FAM124A: variants seen among roughly 807,000 people sequenced by gnomAD.
The protein encoded by FAM124A is family with sequence similarity 124 member A.
A neutral mutation model predicts 24.5 loss-of-function variants in FAM124A; 23 were observed. The ratio of observed to expected loss-of-function variants is 0.94; its 90% CI spans 0.68 to 1.33. The LOEUF (loss-of-function observed/expected upper bound fraction) is 1.33. Among genes scored for constraint, FAM124A ranks in the 40% most tolerant of loss-of-function variants. The probability of loss-of-function intolerance (pLI) is 0.00; values close to 1 mark genes in which losing one functional copy is unlikely to be tolerated. For synonymous variants in FAM124A, 287 were observed against 314.7 expected (o/e 0.91, Z 0.93); for missense variants, 623 against 722.8 (o/e 0.86, Z 1.58).
intron 1 of FAM124A, among the ~76,000 whole-genome samples, chr13:51,226,591 A>G (rs1042293359): frequency 3.3e-5 from 5 of 152,212 alleles, no homozygotes; most frequent in Admixed American, 2.0e-4. Context: ...GCAATGCTCA[A>G]CTACCTAGGG....
intron 1 of FAM124A, among the ~76,000 whole-genome samples, chr13:51,223,597 C>G (rs546622039): frequency 6.6e-6 from 1 of 152,266 alleles, no homozygotes; most frequent in African/African-American, 2.4e-5. Flanking sequence ...AGAGTTCTAA[C>G]CCAACCCCGG....
rs909636297 is a variant in FAM124A, at chr13:51,252,010, G to A, written c.643G>A (p.Asp215Asn). 5 of 1,614,232 alleles carry A rather than the reference G, an allele frequency of 3.1e-6. No homozygotes were observed. Among genetic ancestry groups the A allele is most frequent in the Non-Finnish European group, 3.4e-6 (4 of 1,180,052 alleles). Residue 215 changes from aspartate (D) to asparagine (N), a missense_variant, in exon 3 of 4, where the codon GAT becomes AAT. Asp to Asn is a conservative substitution (Grantham distance 23). Coordinates refer to ENST00000322475, the MANE Select transcript of FAM124A (RefSeq NM_001242312.2). ...FCIFPIFSNL[D>N]VDIQFSLKRL... ...CATCTTCCCTATTTTTTCCAACCTG[G>A]ATGTGGACATCCAGTTCTCCCTGAA...
intron 3 of FAM124A, among the ~76,000 whole-genome samples, chr13:51,276,733 A>T (rs778540516): frequency 6.6e-6 from 1 of 152,224 alleles, no homozygotes; most frequent in Non-Finnish European, 1.5e-5. Context: ...TGATTTCTCA[A>T]TGTGAACCCG....
chr13:51,228,455 C>G (rs1954339087), intron 1 of FAM124A, among the ~76,000 whole-genome samples: 1 of 152,156 alleles, frequency 6.6e-6, no homozygotes, highest in Non-Finnish European at 1.5e-5. Flanking sequence ...TTATTCTGCT[C>G]TATATCGTGT....
chr13:51,230,138 T>C (rs73194184), intron 1 of FAM124A, among the ~76,000 whole-genome samples: 2,633 of 152,308 alleles, frequency 0.017, 28 homozygotes, highest in Non-Finnish European at 0.029. Context: ...TTGGTAGTTG[T>C]TATTCTTTCC....
At chr13:51,227,715 T>A (rs1228263013) in intron 1 of FAM124A, among the ~76,000 whole-genome samples, 1 of 152,254 alleles carries the variant, frequency 6.6e-6, no homozygotes, top group East Asian at 1.9e-4. Context: ...TAAGCCACTC[T>A]TTTGTATGTG....
In FAM124A at chr13:51,251,614, G is replaced by A. The variant is rs146836694; in HGVS notation, c.247G>A (p.Glu83Lys). Residue 83 changes from glutamate (E) to lysine (K), a missense_variant, in exon 3 of 4, where the codon GAG becomes AAG. Physicochemically the swap from Glu to Lys is moderately conservative, Grantham distance 56. Coordinates refer to ENST00000322475, the MANE Select transcript of FAM124A (RefSeq NM_001242312.2). The surrounding 1 kb of genome is among the most constrained non-coding windows in gnomAD (Gnocchi z 5.3). Reference protein sequence around the residue: ...HPDLPLFRVSERRASRRRRKP... With the variant: ...HPDLPLFRVSKRRASRRRRKP... ...CGACCTCCCGCTGTTCCGGGTGTCC[G>A]AGAGGCGGGCGTCCCGGCGGCGGCG... The A allele has an allele frequency of 2.6e-3, 4,073 of 1,567,126 alleles. 7 individuals carry two copies. Among genetic ancestry groups the A allele is most frequent in the Non-Finnish European group, 3.2e-3 (3,677 of 1,154,258 alleles).
At chr13:51,234,450 A>G (rs1954414099) in intron 2 of FAM124A, among the ~76,000 whole-genome samples, 3 of 152,218 alleles carry the variant, frequency 2.0e-5, no homozygotes, top group Non-Finnish European at 4.4e-5. Flanking sequence ...AGCGAAAGGT[A>G]TAAGAGTGGT....
intron 2 of FAM124A, among the ~76,000 whole-genome samples, chr13:51,248,278 A>T (rs1954584776): frequency 6.6e-6 from 1 of 152,144 alleles, no homozygotes; most frequent in Admixed American, 6.5e-5. Context: ...TTCAAGCTGG[A>T]AACATCAGGG....
In FAM124A at chr13:51,231,396, C is replaced by T. The variant is rs1463112212; in HGVS notation, c.100+17C>T. 1 of 1,613,698 alleles carries T rather than the reference C, an allele frequency of 6.2e-7. No individual in the cohort carries two copies. Among genetic ancestry groups the T allele is most frequent in the South Asian group, 1.1e-5 (1 of 90,920 alleles). ...CCACGAGCAGTAAGTATCTTTTAAA[C>T]ATCCTTCAGCATTGTCTAACGGTCC... is the stretch of plus-strand genomic sequence containing the variant. On this transcript the variant is annotated intron_variant, in intron 2 of 3. Transcript: ENST00000322475.
chr13:51,250,291 C>G (rs1252478539), intron 2 of FAM124A, among the ~76,000 whole-genome samples: 2 of 152,144 alleles, frequency 1.3e-5, no homozygotes, highest in East Asian at 3.9e-4. Flanking sequence ...CCTGACACCC[C>G]TAGTGGACAC....
intron 3 of FAM124A, among the ~76,000 whole-genome samples, chr13:51,275,209 C>CA (rs34573330): frequency 0.23 from 23,441 of 101,820 alleles, 2,115 homozygotes; most frequent in East Asian, 0.39. Context: ...CCTGTATATA[C>CA]AAAAAAAAAA....
chr13:51,283,377 G>T lies in FAM124A; in HGVS notation c.*2121G>T, dbSNP rs1954958407. 1 of 152,170 alleles carries T rather than the reference G, an allele frequency of 6.6e-6. No homozygotes were observed. 9.4% of individuals were successfully genotyped at this position (152,170 alleles called of 1,614,324 possible). A position where few individuals can be genotyped will look rare whatever the true frequency, so the allele number is the denominator to read the frequency against. ...ATTTACAAGAACAGCTGGTGGGCCA[G>T]ATTTGGCCCAAGGGTCATAGTTTAT... is the stretch of plus-strand genomic sequence containing the variant. On this transcript the variant is annotated 3_prime_UTR_variant, in exon 4 of 4. Transcript: ENST00000322475.
At position 51,272,131 on chromosome 13, in the gene FAM124A, A is replaced by C. The variant is rs977351094; in HGVS notation, c.835-8319A>C. Reference sequence around the variant, plus strand: ...AGTTCAGAGAAGCTCTAGCTGTGAGACCAGCCACTTCCCTCTTCAAGGCAG... The same window carrying C: ...AGTTCAGAGAAGCTCTAGCTGTGAGCCCAGCCACTTCCCTCTTCAAGGCAG... On this transcript the variant is annotated intron_variant, in intron 3 of 3. Transcript: ENST00000322475. This position sits in a 1 kb window ranked among gnomAD's most constrained non-coding sequence, Gnocchi z 4.2. 6.6e-6 allele frequency among the ~76,000 whole-genome samples: 1 copy of C among 152,296 alleles called. No homozygotes were observed. The highest frequency in any genetic ancestry group is 1.9e-4 in the East Asian group (1 of 5,188).
At chr13:51,240,461 G>T (rs111577756) in intron 2 of FAM124A, among the ~76,000 whole-genome samples, 1 of 152,280 alleles carries the variant, frequency 6.6e-6, no homozygotes, top group African/African-American at 2.4e-5. Context: ...GTTGCAAGAC[G>T]TCTTTCCTTT....
At chr13:51,232,943 A>C (rs865919571) in intron 2 of FAM124A, among the ~76,000 whole-genome samples, 35 of 152,226 alleles carry the variant, frequency 2.3e-4, no homozygotes, top group African/African-American at 8.2e-4. Flanking sequence ...GCAGCCTCTG[A>C]GTTGGAATTT....
rs1033779157 is a variant in FAM124A, at chr13:51,247,816, T to C, written c.101-3652T>C. On this transcript the variant is annotated intron_variant, in intron 2 of 3. Coordinates refer to ENST00000322475, the MANE Select transcript of FAM124A (RefSeq NM_001242312.2). Reference sequence around the variant, plus strand: ...ATGTGGTATTTTCTCCTACTTTTACTGGAGTTACTCACTGGCAGAAAATTT... The same window carrying C: ...ATGTGGTATTTTCTCCTACTTTTACCGGAGTTACTCACTGGCAGAAAATTT... Among the ~76,000 whole-genome samples, 5 of 152,334 alleles carry C rather than the reference T, an allele frequency of 3.3e-5. No individual in the cohort carries two copies. The East Asian group carries it at 5.8e-4, about 18-fold the overall frequency.
intron 3 of FAM124A, among the ~76,000 whole-genome samples, chr13:51,268,698 A>G (rs1238646835): frequency 1.3e-5 from 2 of 152,230 alleles, no homozygotes; most frequent in Non-Finnish European, 2.9e-5. Flanking sequence ...TCCAAGATCC[A>G]CTTAAGTCTA....
At chr13:51,249,693 T>G (rs891938640) in intron 2 of FAM124A, among the ~76,000 whole-genome samples, 1 of 152,230 alleles carries the variant, frequency 6.6e-6, no homozygotes, top group Non-Finnish European at 1.5e-5. Context: ...AACCTTTGCT[T>G]CACAGTGACT....
Sources: allele counts gnomAD v4.1 joint callset (sites outside exome capture counted in the v4.1 genomes callset), GRCh38; gene constraint gnomAD v4.1.1; non-coding constraint Gnocchi (gnomAD v3.1); transcripts MANE v1.5; gene names NCBI Gene and HGNC (gene_info 2026-07-23, HGNC 2026-07-21).